The following ASB3 variants were observed in gnomAD, a reference collection of about 807,000 sequenced individuals.
The protein encoded by ASB3 is ankyrin repeat and SOCS box protein 3.
Under a neutral mutation model 54.5 loss-of-function variants are expected in ASB3, and 41 were observed. The observed-to-expected ratio is 0.75, with a 90% CI of 0.59 to 0.98. ASB3 has a LOEUF of 0.98. Ranked by LOEUF, ASB3 falls within the 50% of genes least tolerant of loss-of-function variation. The pLI, the probability that ASB3 is intolerant of heterozygous loss-of-function variation, is 0.00. For missense variants in ASB3, 733 were observed against 620.0 expected (o/e 1.18, Z -1.94); for synonymous variants, 266 against 221.2 (o/e 1.20, Z -1.80).
At chr2:53,673,277 C>T (rs889770253) in intron 9 of ASB3, among the ~76,000 whole-genome samples, 2 of 152,102 alleles carry the variant, frequency 1.3e-5, no homozygotes, top group Non-Finnish European at 2.9e-5. Flanking sequence ...ACTACACAAC[C>T]AGAAGGAAGA....
chr2:53,734,996 T>G (rs1043127793), intron 3 of ASB3, among the ~76,000 whole-genome samples: 1 of 148,310 alleles, frequency 6.7e-6, no homozygotes, highest in Admixed American at 6.8e-5. Context: ...CTTGGCTCAC[T>G]ACAACCTCCA....
Position 53,670,492 on chromosome 2 carries a change from G to A in ASB3, c.*11C>T, listed in dbSNP as rs768859525. ...AGAAAAAAATTAGCTGTGTTAAGTAGTTTCACTGATTTATCCATCTTGAAT... is the reference window on the plus strand; with the variant it reads ...AGAAAAAAATTAGCTGTGTTAAGTAATTTCACTGATTTATCCATCTTGAAT... On this transcript the variant is annotated 3_prime_UTR_variant, in exon 10 of 10. Coordinates refer to ENST00000263634, the MANE Select transcript of ASB3 (RefSeq NM_016115.5). The A allele has an allele frequency of 6.2e-7, 1 of 1,610,706 alleles. No homozygotes were observed. Among genetic ancestry groups the A allele is most frequent in the Non-Finnish European group, 8.5e-7 (1 of 1,179,318 alleles).
intron 5 of ASB3, among the ~76,000 whole-genome samples, chr2:53,720,462 A>T (rs1419137858): frequency 6.6e-6 from 1 of 152,218 alleles, no homozygotes; most frequent in Non-Finnish European, 1.5e-5. Flanking sequence ...AGAAAAAATT[A>T]TATATAAAAA....
At chr2:53,756,344 A>T (rs1409274057) in intron 2 of ASB3, among the ~76,000 whole-genome samples, 1 of 152,178 alleles carries the variant, frequency 6.6e-6, no homozygotes, top group Non-Finnish European at 1.5e-5. Context: ...TGCTTAAGCT[A>T]GTTTGAACTA....
chr2:53,720,938 G>A (rs1314735788), intron 5 of ASB3, among the ~76,000 whole-genome samples: 6 of 151,926 alleles, frequency 3.9e-5, no homozygotes, highest in African/African-American at 1.5e-4. Flanking sequence ...CCAACACGAT[G>A]AAACCCCATC....
At chr2:53,719,437 C>T (rs1296892876) in intron 5 of ASB3, among the ~76,000 whole-genome samples, 4 of 152,168 alleles carry the variant, frequency 2.6e-5, no homozygotes, top group Non-Finnish European at 5.9e-5. Context: ...CTAAGATCAG[C>T]ATGATCATAA....
intron 8 of ASB3, among the ~76,000 whole-genome samples, chr2:53,696,967 G>T (rs960187643): frequency 6.6e-6 from 1 of 152,030 alleles, no homozygotes; most frequent in Admixed American, 6.6e-5. Flanking sequence ...AGACCTATTG[G>T]GCTACATCCC....
chr2:53,781,287 C>T (rs1674630022), intron 1 of ASB3, among the ~76,000 whole-genome samples: 1 of 151,908 alleles, frequency 6.6e-6, no homozygotes, highest in Non-Finnish European at 1.5e-5. Context: ...TGGTGCACAC[C>T]TGTAGTTCCA....
chr2:53,718,456 C>A (rs1670518923), intron 5 of ASB3, among the ~76,000 whole-genome samples: 1 of 152,076 alleles, frequency 6.6e-6, no homozygotes, highest in Non-Finnish European at 1.5e-5. Context: ...ATTTTACAGA[C>A]AAGCAAGCGA....
chr2:53,737,204 G>A (rs1671687096), intron 3 of ASB3, among the ~76,000 whole-genome samples: 1 of 152,084 alleles, frequency 6.6e-6, no homozygotes, highest in Non-Finnish European at 1.5e-5. Context: ...CGAGAGAAGT[G>A]AAACACAAGA....
intron 9 of ASB3, among the ~76,000 whole-genome samples, chr2:53,692,217 C>G (rs1219238573): frequency 6.6e-6 from 1 of 152,152 alleles, no homozygotes; most frequent in Non-Finnish European, 1.5e-5. Flanking sequence ...AGTGTTAACT[C>G]GCTCTCTTGG....
intron 3 of ASB3, among the ~76,000 whole-genome samples, chr2:53,742,543 A>G (rs746964022): frequency 3.9e-5 from 6 of 152,214 alleles, no homozygotes; most frequent in Non-Finnish European, 8.8e-5. Context: ...TAAGGAAGCA[A>G]TTGTCTCTGT....
At chr2:53,737,829 G>A (rs1671728867) in intron 3 of ASB3, among the ~76,000 whole-genome samples, 1 of 150,602 alleles carries the variant, frequency 6.6e-6, no homozygotes, top group Non-Finnish European at 1.5e-5. Context: ...TGTGCATATA[G>A]TATACCCTGA....
chr2:53,765,587 T>C lies in ASB3; in HGVS notation c.-13-2A>G. 6.2e-7 allele frequency: 1 copy of C among 1,614,118 alleles called. No homozygotes were observed. The highest frequency in any genetic ancestry group is 8.5e-7 in the Non-Finnish European group (1 of 1,180,000). ...GTAAAATCCATTTGTTTGACCAGTC[T>C]ACAAAACAAGGTAGAAGGATAATAC... is the stretch of plus-strand genomic sequence containing the variant. On this transcript the variant is annotated splice_acceptor_variant, in intron 1 of 9. Transcript: ENST00000263634. LOFTEE classifies it low-confidence loss of function (5UTR_SPLICE).
At chr2:53,725,611 GA>G (rs1670950755) in intron 5 of ASB3, among the ~76,000 whole-genome samples, 1 of 152,136 alleles carries the variant, frequency 6.6e-6, no homozygotes, top group Admixed American at 6.6e-5. Context: ...TGCTACATAT[GA>G]TGTTGTTACA....
chr2:53,747,256 A>T (rs1672275727), intron 3 of ASB3, among the ~76,000 whole-genome samples: 1 of 152,192 alleles, frequency 6.6e-6, no homozygotes, highest in Admixed American at 6.5e-5. Flanking sequence ...CATAAAGAAA[A>T]AGAATACAGC....
At chr2:53,758,698 G>C (rs2104050427) in intron 2 of ASB3, among the ~76,000 whole-genome samples, 1 of 152,310 alleles carries the variant, frequency 6.6e-6, no homozygotes, top group African/African-American at 2.4e-5. Context: ...CCGATAAGCA[G>C]AGGTCCATGG....
chr2:53,758,148 C>T (rs1213832350), intron 2 of ASB3, among the ~76,000 whole-genome samples: 4 of 152,108 alleles, frequency 2.6e-5, no homozygotes, highest in Admixed American at 2.0e-4. Context: ...TCTCTGTGAC[C>T]CTATAACACT....
intron 5 of ASB3, among the ~76,000 whole-genome samples, chr2:53,728,208 C>G (rs1403751197): frequency 2.6e-5 from 4 of 152,096 alleles, no homozygotes; most frequent in African/African-American, 9.7e-5. Flanking sequence ...CACCAACTTC[C>G]CTGGCAATGC....
Sources: gnomAD v4.1 joint callset for allele counts (sites outside exome capture counted in the v4.1 genomes callset) on GRCh38, gnomAD v4.1.1 for gene constraint, MANE v1.5 for transcripts, NCBI Gene and HGNC (gene_info 2026-07-23, HGNC 2026-07-21) for gene names.